The following MMRN1 variants were observed in gnomAD, a reference collection of about 807,000 sequenced individuals.
MMRN1 encodes multimerin 1.
In MMRN1, 94 loss-of-function variants were observed where a neutral mutation model predicts 100.7. The ratio of observed to expected loss-of-function variants is 0.93; its 90% CI spans 0.79 to 1.11. MMRN1 has a LOEUF of 1.11. Among genes scored for constraint, MMRN1 ranks in the 50% least tolerant of loss-of-function variants. The pLI is 0.00. For synonymous variants in MMRN1, 575 were observed against 505.0 expected (o/e 1.14, Z -1.86); for missense variants, 1,606 against 1,439.1 (o/e 1.12, Z -1.88).
intron 6 of MMRN1, 138 bp from the exon 7 acceptor site, chr4:89,951,467 A>G: frequency 1.3e-6 from 1 of 793,042 alleles, no homozygotes; most frequent in Non-Finnish European, 1.8e-6. Flanking sequence ...CCAGATCGAC[A>G]GGCATCCTGG....
intron 1 of MMRN1, among the ~76,000 whole-genome samples, chr4:89,886,790 T>G (rs1481194718): frequency 6.6e-6 from 1 of 152,144 alleles, no homozygotes; most frequent in Non-Finnish European, 1.5e-5. Flanking sequence ...CATACAATGT[T>G]TAATTATCAA....
At chr4:89,929,197 T>A (rs570136876) in intron 5 of MMRN1, among the ~76,000 whole-genome samples, 33 of 152,258 alleles carry the variant, frequency 2.2e-4, no homozygotes, top group Middle Eastern at 3.4e-3. Context: ...TCAGGATTAC[T>A]GTTTTTTTTC....
upstream of MMRN1, chr4:89,894,827 C>A (rs982558830): frequency 7.2e-7 from 1 of 1,397,562 alleles, no homozygotes; most frequent in Non-Finnish European, 9.4e-7. Flanking sequence ...GAGTACGCTA[C>A]AAAACACAGA....
intron 7 of MMRN1, 56 bp downstream of exon 7, chr4:89,951,807 G>T: frequency 1.9e-6 from 3 of 1,559,008 alleles, no homozygotes; most frequent in South Asian, 1.2e-5. Flanking sequence ...ATAGAAACAC[G>T]TTTTGAAAAT....
At position 89,953,717 on chromosome 4, in the gene MMRN1, A is replaced by G. The variant is rs938998536; in HGVS notation, c.*299A>G. Reference sequence around the variant, plus strand: ...TTTTAAGTCATTGCAATGGAAAGTAATATTATAAAATGGTAATTACAACAT... The same window carrying G: ...TTTTAAGTCATTGCAATGGAAAGTAGTATTATAAAATGGTAATTACAACAT... On this transcript the variant is annotated 3_prime_UTR_variant, in exon 8 of 8. Transcript: ENST00000264790. 1.6e-4 allele frequency: 36 copies of G among 221,620 alleles called. 1 individual carries two copies. The highest frequency in any genetic ancestry group is 7.9e-4 in the African/African-American group (35 of 44,128). 13.7% of individuals were successfully genotyped at this position (221,620 alleles called of 1,614,324 possible).
chr4:89,950,411 G>A (rs140294584), intron 6 of MMRN1, among the ~76,000 whole-genome samples: 391 of 152,170 alleles, frequency 2.6e-3, no homozygotes, highest in Middle Eastern at 0.017. Flanking sequence ...GATAAATATC[G>A]TCACATTGTC....
rs777965807 is a variant in MMRN1, at chr4:89,912,064, T to C, written c.850+14T>C. ...GTCAACTAAGAGGTACACTCTAATA[T>C]TAATAATCACAATTCTGAACAATAA... On this transcript the variant is annotated intron_variant, in intron 3 of 7. Coordinates refer to ENST00000264790, the MANE Select transcript of MMRN1 (RefSeq NM_007351.3). 1.0e-5 allele frequency: 15 copies of C among 1,496,704 alleles called. No homozygotes were observed. In the African/African-American group the frequency reaches 1.1e-4, roughly 11 times the overall value. 92.7% of individuals were successfully genotyped at this position (1,496,704 alleles called of 1,614,324 possible).
intron 1 of MMRN1, among the ~76,000 whole-genome samples, chr4:89,899,539 A>G (rs151156927): frequency 1.2e-4 from 19 of 152,228 alleles, no homozygotes; most frequent in African/African-American, 4.6e-4. Context: ...ATTGTAGTGT[A>G]TAATGGGGGG....
At chr4:89,895,709 A>G (rs534133986) in intron 1 of MMRN1, 115 bp downstream of exon 1, 2 of 1,414,988 alleles carry the variant, frequency 1.4e-6, no homozygotes, top group East Asian at 2.5e-5. Flanking sequence ...AAATTGGATC[A>G]TATTTATAAT....
intron 6 of MMRN1, among the ~76,000 whole-genome samples, chr4:89,943,008 G>A (rs889872119): frequency 7.9e-5 from 12 of 152,084 alleles, no homozygotes; most frequent in African/African-American, 2.9e-4. Flanking sequence ...ATGGTGTTTG[G>A]AAACTCTGGG....
At position 89,909,402 on chromosome 4, in the gene MMRN1, A is replaced by T. The variant is rs60930728; in HGVS notation, c.743+7A>T. The T allele has an allele frequency of 1.2e-3, 1,853 of 1,607,968 alleles. 11 individuals carry two copies. The African/African-American group carries it at 0.021, about 18-fold the overall frequency. On this transcript the variant is annotated splice_region_variant and intron_variant, in intron 2 of 7. Transcript: ENST00000264790. ...GTGGATCCTGTCCTCAGAGGTATGT[A>T]ATATTTCTTGAAAATAGCCACTGTT...
chr4:89,900,912 T>A (rs1208879449), intron 1 of MMRN1, among the ~76,000 whole-genome samples: 1 of 151,918 alleles, frequency 6.6e-6, no homozygotes, highest in Admixed American at 6.6e-5. Flanking sequence ...TTAAATGGGG[T>A]GACCAGAGAA....
chr4:89,925,473 T>TA (rs1269682032), intron 4 of MMRN1, among the ~76,000 whole-genome samples: 1 of 146,558 alleles, frequency 6.8e-6, no homozygotes, highest in Non-Finnish European at 1.5e-5. Context: ...TATACCCAAA[T>TA]AAAAAACAAA....
intron 3 of MMRN1, among the ~76,000 whole-genome samples, chr4:89,915,813 T>G (rs1195123606): frequency 1.3e-5 from 2 of 151,612 alleles, no homozygotes; most frequent in Non-Finnish European, 3.0e-5. Flanking sequence ...CTTTAAAAAT[T>G]TAGTTGACTG....
At chr4:89,945,237 T>A (rs1223645728) in intron 6 of MMRN1, among the ~76,000 whole-genome samples, 1 of 152,202 alleles carries the variant, frequency 6.6e-6, no homozygotes, top group East Asian at 1.9e-4. Flanking sequence ...TCTTTATCTA[T>A]TTACCAGTTG....
rs182699024 is a variant in MMRN1, at chr4:89,881,782, G to A, written c.-249+2180G>A. Among the ~76,000 whole-genome samples, 44 of 151,886 alleles carry A rather than the reference G, an allele frequency of 2.9e-4. No homozygotes were observed. In the East Asian group the frequency reaches 2.9e-3, roughly 10 times the overall value. ...TTGTTGCAAGTTGTGTACTGAATTC[G>A]CTTTGGTTGCACTACCTTTAAACTT... On this transcript the variant is annotated intron_variant, in intron 1 of 8. Transcript: ENST00000394980.
intron 6 of MMRN1, among the ~76,000 whole-genome samples, chr4:89,938,164 A>T (rs1722705667): frequency 6.6e-6 from 1 of 151,854 alleles, no homozygotes; most frequent in South Asian, 2.1e-4. Context: ...ATAACAGAAT[A>T]ATAGAGTTGA....
At position 89,951,645 on chromosome 4, in the gene MMRN1, G is replaced by T; in HGVS notation, c.3159G>T (p.Gly1053=). The change falls in exon 7 of 8, where the codon GGG becomes GGT. Residue 1053 remains glycine (G), a synonymous_variant. Coordinates refer to ENST00000264790, the MANE Select transcript of MMRN1 (RefSeq NM_007351.3). ...SSCSRHPCQN[G]GTCINGRTSF... is the part of the protein sequence containing the mutation. ...GTAGTCGGCATCCGTGCCAAAATGG[G>T]GGCACGTGCATAAATGGAAGAACTA... 6.4e-7 allele frequency: 1 copy of T among 1,553,916 alleles called. No individual in the cohort carries two copies. Among genetic ancestry groups the T allele is most frequent in the Non-Finnish European group, 8.7e-7 (1 of 1,155,066 alleles).
At chr4:89,891,143 T>C (rs565512984), upstream of MMRN1, among the ~76,000 whole-genome samples, 84 of 152,218 alleles carry the variant, frequency 5.5e-4, no homozygotes, top group African/African-American at 1.9e-3. Context: ...ATAGATAATA[T>C]AGAAACAATG....
Sources: gnomAD v4.1 joint callset for allele counts (sites outside exome capture counted in the v4.1 genomes callset) on GRCh38, gnomAD v4.1.1 for gene constraint, MANE v1.5 for transcripts, NCBI Gene and HGNC (gene_info 2026-07-23, HGNC 2026-07-21) for gene names.